Variants in GPAM observed in about 807,000 individuals in gnomAD.
GPAM encodes the protein glycerol-3-phosphate acyltransferase, mitochondrial.
In GPAM, 56 loss-of-function variants were observed where a neutral mutation model predicts 105.0. The ratio of observed to expected loss-of-function variants is 0.53; its 90% CI spans 0.43 to 0.67. The LOEUF (loss-of-function observed/expected upper bound fraction) is 0.67. Among genes scored for constraint, GPAM ranks in the 30% least tolerant of loss-of-function variants. The pLI, the probability that GPAM is intolerant of heterozygous loss-of-function variation, is 0.00. For missense variants in GPAM, 855 were observed against 989.8 expected (o/e 0.86, Z 1.83); for synonymous variants, 368 against 354.4 (o/e 1.04, Z -0.43).
intron 21 of GPAM, 38 bp from the exon 22 acceptor site, chr10:112,153,704 TAAAAAATA>T (rs745815679): frequency 1.9e-6 from 3 of 1,597,862 alleles, no homozygotes; most frequent in Non-Finnish European, 2.6e-6. Context: ...AGGCAAAAAA[TAAAAAATA>T]AAAAAAATTT....
chr10:112,195,557 A>G (rs920955780), intron 1 of GPAM, among the ~76,000 whole-genome samples: 2 of 152,198 alleles, frequency 1.3e-5, no homozygotes, highest in African/African-American at 4.8e-5. Context: ...GACCCTTCAG[A>G]CTAAGGCAGG....
chr10:112,182,403 G>T (rs371018112), intron 2 of GPAM, among the ~76,000 whole-genome samples: 6 of 152,174 alleles, frequency 3.9e-5, no homozygotes, highest in African/African-American at 1.4e-4. Flanking sequence ...AGCTCTGAAA[G>T]AAAAGCACAC....
Position 112,160,010 on chromosome 10 carries a change from A to AC in GPAM, c.1802dup (p.Pro602SerfsTer3). 3.7e-6 allele frequency: 6 copies of AC among 1,613,364 alleles called. No individual in the cohort carries two copies. Among genetic ancestry groups the AC allele is most frequent in the East Asian group, 2.2e-5 (1 of 44,870 alleles). Reference sequence around the variant, plus strand: ...TCAGGTTAGGTGGGGTGCTAGTGGGACCCCCCAGTCCCCTCTTGTTCAGAA... The same window carrying AC: ...TCAGGTTAGGTGGGGTGCTAGTGGGACCCCCCCAGTCCCCTCTTGTTCAGAA... On this transcript the variant is annotated frameshift_variant, in exon 17 of 22. Coordinates refer to ENST00000348367, the MANE Select transcript of GPAM (RefSeq NM_001244949.2). LOFTEE classifies it high-confidence loss of function.
chr10:112,158,423 GC>G, intron 17 of GPAM, 30 bp from the exon 18 acceptor site: 1 of 1,350,642 alleles, frequency 7.4e-7, no homozygotes, highest in Non-Finnish European at 1.1e-6. Context: ...AAATATAAAT[GC>G]CACCATTTTA....
rs1022527683 is a variant in GPAM, at chr10:112,153,155, C to A, written c.*395G>T. ...ACCAGATAATATACCAACAAATTAC[C>A]CAGCAGCACTAAGTATACCATGTAA... On this transcript the variant is annotated 3_prime_UTR_variant, in exon 22 of 22. Coordinates refer to ENST00000348367, the MANE Select transcript of GPAM (RefSeq NM_001244949.2). 3 of 1,028,520 alleles carry A rather than the reference C, an allele frequency of 2.9e-6. No individual in the cohort carries two copies. The highest frequency in any genetic ancestry group is 1.0e-4 in the Admixed American group (2 of 19,784). The allele number at this position is 1,028,520 out of a possible 1,614,324, so 63.7% of individuals were successfully genotyped here.
chr10:112,199,858 C>T (rs1348895862), intron 1 of GPAM, among the ~76,000 whole-genome samples: 2 of 152,018 alleles, frequency 1.3e-5, no homozygotes, highest in Non-Finnish European at 2.9e-5. Flanking sequence ...GAACCGCCCC[C>T]CATGATTCAA....
Position 112,180,584 on chromosome 10 carries a change from G to A in GPAM, c.114C>T (p.Gly38=), listed in dbSNP as rs1227493085. ...KHTSEEWGEC[G]FRPTIFRSAT... is the part of the protein sequence containing the mutation. Reference sequence around the variant, plus strand: ...CAGATCTGAAGATGGTGGGTCTAAAGCCACACTCACCCTGACAAATATTAA... The same window carrying A: ...CAGATCTGAAGATGGTGGGTCTAAAACCACACTCACCCTGACAAATATTAA... Residue 38 remains glycine (G), a synonymous_variant, in exon 4 of 22, where the codon GGC becomes GGT. Coordinates refer to ENST00000348367, the MANE Select transcript of GPAM (RefSeq NM_001244949.2). 3.7e-6 allele frequency: 6 copies of A among 1,609,402 alleles called. No homozygotes were observed. Among genetic ancestry groups the A allele is most frequent in the Non-Finnish European group, 5.1e-6 (6 of 1,175,848 alleles).
chr10:112,226,767 T>G, the GPAM span, among the ~76,000 whole-genome samples: 7 of 152,192 alleles, frequency 4.6e-5, no homozygotes, highest in Non-Finnish European at 1.0e-4. Context: ...GTTCTGCTAC[T>G]TGAGATAGTA....
intron 1 of GPAM, among the ~76,000 whole-genome samples, chr10:112,212,518 C>CT (rs1033626445): frequency 6.6e-6 from 1 of 152,176 alleles, no homozygotes; most frequent in African/African-American, 2.4e-5. Flanking sequence ...CCGCATCGAC[C>CT]TCCCAAAGTG....
At chr10:112,210,121 C>G (rs755616057) in intron 1 of GPAM, among the ~76,000 whole-genome samples, 3 of 152,188 alleles carry the variant, frequency 2.0e-5, no homozygotes, top group African/African-American at 2.4e-5. Flanking sequence ...CCCAGTACCA[C>G]GTGGTGGGAA....
At chr10:112,189,009 A>G (rs1847625520) in intron 1 of GPAM, among the ~76,000 whole-genome samples, 2 of 152,120 alleles carry the variant, frequency 1.3e-5, no homozygotes, top group African/African-American at 4.8e-5. Flanking sequence ...TCGTTGACCA[A>G]ACTTCCCTGG....
At chr10:112,215,595 T>C (rs958799400), upstream of GPAM, among the ~76,000 whole-genome samples, 1 of 152,002 alleles carries the variant, frequency 6.6e-6, no homozygotes, top group East Asian at 1.9e-4. Context: ...CTGGTGGGGA[T>C]TTTCTAACTG....
chr10:112,220,967 C>T, the GPAM span, among the ~76,000 whole-genome samples: 101 of 151,978 alleles, frequency 6.6e-4, no homozygotes, highest in African/African-American at 1.8e-3. Flanking sequence ...CTGGGTTAGA[C>T]GTGATTAATG....
chr10:112,225,613 C>T, the GPAM span, among the ~76,000 whole-genome samples: 46 of 152,280 alleles, frequency 3.0e-4, no homozygotes, highest in African/African-American at 9.4e-4. Flanking sequence ...ATCTGCTACA[C>T]AGCAGTTCAC....
At chr10:112,161,604 C>T in intron 15 of GPAM, 63 bp downstream of exon 15, 1 of 1,347,942 alleles carries the variant, frequency 7.4e-7, no homozygotes, top group Non-Finnish European at 1.1e-6. Flanking sequence ...GAGTATGTAT[C>T]TGAGCAGCTG....
At chr10:112,206,667 G>T (rs1589610645) in intron 1 of GPAM, among the ~76,000 whole-genome samples, 2 of 113,202 alleles carry the variant, frequency 1.8e-5, no homozygotes, top group South Asian at 3.8e-4. Flanking sequence ...TGGGGACTGT[G>T]GTGGGGTCGG....
intron 17 of GPAM, 45 bp downstream of exon 17, chr10:112,159,864 AAC>A: frequency 6.3e-7 from 1 of 1,595,576 alleles, no homozygotes; most frequent in Non-Finnish European, 8.6e-7. Flanking sequence ...TTTTCATGAA[AAC>A]GCTCAAGAAA....
Position 112,151,893 on chromosome 10 carries a change from G to A in GPAM, c.*1657C>T. On this transcript the variant is annotated 3_prime_UTR_variant, in exon 22 of 22. Transcript: ENST00000348367. ...ACATGATATCTCATTCAACATCAGAGCTACTACAACTGACAATGACTTCAT... is the reference window on the plus strand; with the variant it reads ...ACATGATATCTCATTCAACATCAGAACTACTACAACTGACAATGACTTCAT... 2 of 979,422 alleles carry A rather than the reference G, an allele frequency of 2.0e-6. No homozygotes were observed. Among genetic ancestry groups the A allele is most frequent in the Non-Finnish European group, 2.4e-6 (2 of 824,552 alleles). 60.7% of individuals were successfully genotyped at this position (979,422 alleles called of 1,614,324 possible).
chr10:112,196,845 T>C (rs1443344236), intron 1 of GPAM, among the ~76,000 whole-genome samples: 1 of 152,222 alleles, frequency 6.6e-6, no homozygotes, highest in African/African-American at 2.4e-5. Flanking sequence ...CCCATTCCTT[T>C]TGCACATCTG....
Sources: allele counts gnomAD v4.1 joint callset (sites outside exome capture counted in the v4.1 genomes callset), GRCh38; gene constraint gnomAD v4.1.1; transcripts MANE v1.5; gene names NCBI Gene and HGNC (gene_info 2026-07-23, HGNC 2026-07-21).